Variants in EIF4E3 observed in about 807,000 individuals in gnomAD.
EIF4E3 encodes eukaryotic translation initiation factor 4E family member 3, also known as eukaryotic translation initiation factor 4E type 3.
In EIF4E3, 26 loss-of-function variants were observed where a neutral mutation model predicts 31.7. The observed-to-expected ratio is 0.82, with a 90% CI of 0.60 to 1.14. The LOEUF is 1.14. Ranked by LOEUF, EIF4E3 falls within the 50% of genes most tolerant of loss-of-function variation. EIF4E3 has a pLI of 0.00. For missense variants in EIF4E3, 304 were observed against 270.9 expected, an observed-to-expected ratio of 1.12 and a Z score of -0.86; for synonymous variants, 128 against 107.7, an observed-to-expected ratio of 1.19 and a Z score of -1.17.
Position 71,690,181 on chromosome 3 carries a change from G to GAAAA in EIF4E3, c.473-20_473-17dup. 8.1e-7 allele frequency: 1 copy of GAAAA among 1,227,676 alleles called. No homozygotes were observed. The highest frequency in any genetic ancestry group is 1.1e-6 in the Non-Finnish European group (1 of 903,854). 76.0% of individuals were successfully genotyped at this position (1,227,676 alleles called of 1,614,324 possible). The stretch of plus-strand genomic sequence containing the variant: ...ACTTCATCATCTGAGGGGAAGACAG[G>GAAAA]AAAAAAAAAAAATGAGTGATACTTC... On this transcript the variant is annotated splice_polypyrimidine_tract_variant and intron_variant, in intron 5 of 6. Coordinates refer to ENST00000425534, the MANE Select transcript of EIF4E3 (RefSeq NM_001134651.2).
chr3:71,669,736 A>G, the EIF4E3 span, among the ~76,000 whole-genome samples: 1 of 152,142 alleles, frequency 6.6e-6, no homozygotes, highest in Non-Finnish European at 1.5e-5. Flanking sequence ...ATTTTGAGTG[A>G]CATTCTAGGG....
the EIF4E3 span, among the ~76,000 whole-genome samples, chr3:71,660,793 C>T: frequency 6.6e-6 from 1 of 152,154 alleles, no homozygotes; most frequent in Non-Finnish European, 1.5e-5. Context: ...AAGGAGATGT[C>T]GTTTTTGGAA....
In EIF4E3 at chr3:71,710,459, C is replaced by T. The variant is rs1467617060; in HGVS notation, c.202G>A (p.Glu68Lys). ...DRSLPGATAA[E>K]CASNLKKIYT... is the part of the protein sequence containing the mutation. Reference sequence around the variant, plus strand: ...ATTTTCTTCAGATTTGATGCGCACTCAGCTGCTGTGGCACCAGGGAGGGAT... The same window carrying T: ...ATTTTCTTCAGATTTGATGCGCACTTAGCTGCTGTGGCACCAGGGAGGGAT... Residue 68 changes from glutamate (E) to lysine (K), a missense_variant, in exon 2 of 7, where the codon GAG becomes AAG. Physicochemically the swap from Glu to Lys is moderately conservative, Grantham distance 56 (BLOSUM62 1). Transcript: ENST00000425534. 1.3e-5 allele frequency: 20 copies of T among 1,550,964 alleles called. No homozygotes were observed. The highest frequency in any genetic ancestry group is 1.7e-5 in the Non-Finnish European group (20 of 1,146,798).
At chr3:71,721,082 A>C (rs2049541039) in intron 1 of EIF4E3, among the ~76,000 whole-genome samples, 1 of 152,270 alleles carries the variant, frequency 6.6e-6, no homozygotes, top group Admixed American at 6.5e-5. Context: ...CTGCATTTAA[A>C]GTGCCTGTGG....
In EIF4E3 at chr3:71,708,760, G is replaced by A. The variant is rs192943174; in HGVS notation, c.249+1652C>T. Among the ~76,000 whole-genome samples the A allele has an allele frequency of 2.7e-3, 408 of 152,246 alleles. 3 individuals are homozygous for A. The highest frequency in any genetic ancestry group is 8.3e-3 in the African/African-American group (345 of 41,536). On this transcript the variant is annotated intron_variant, in intron 2 of 6. Transcript: ENST00000425534. Reference sequence around the variant, plus strand: ...GTGCTCTGAGGATTAAAAAATGGCCGCTGGGAAATGGTAACAGAAGTCCCT... The same window carrying A: ...GTGCTCTGAGGATTAAAAAATGGCCACTGGGAAATGGTAACAGAAGTCCCT...
chr3:71,731,016 G>A (rs1397683520), intron 1 of EIF4E3, among the ~76,000 whole-genome samples: 1 of 152,136 alleles, frequency 6.6e-6, no homozygotes, highest in Non-Finnish European at 1.5e-5. Context: ...GAGCCACAGT[G>A]CCTAGCCTGC....
upstream of EIF4E3, chr3:71,729,297 C>A (rs1455003688): frequency 6.6e-6 from 1 of 152,160 alleles, no homozygotes; most frequent in Non-Finnish European, 1.5e-5. Flanking sequence ...CAATGAGGAA[C>A]CTGAGGTTCA....
chr3:71,716,248 T>C (rs1381380490), intron 1 of EIF4E3, among the ~76,000 whole-genome samples: 1 of 152,216 alleles, frequency 6.6e-6, no homozygotes, highest in Admixed American at 6.5e-5. Flanking sequence ...CTTTTTTTTT[T>C]TGGAGACGGA....
At chr3:71,703,102 C>T (rs563159650) in intron 2 of EIF4E3, among the ~76,000 whole-genome samples, 24 of 152,018 alleles carry the variant, frequency 1.6e-4, no homozygotes, top group African/African-American at 1.7e-4. Context: ...TGGTTAAATG[C>T]TTTTTTTTCC....
intron 1 of EIF4E3, among the ~76,000 whole-genome samples, chr3:71,733,112 C>T (rs1047866908): frequency 3.3e-5 from 5 of 152,222 alleles, no homozygotes; most frequent in Admixed American, 2.6e-4. Context: ...GAGTGAACAA[C>T]TGTCCCAATT....
In EIF4E3 at chr3:71,681,832, G is replaced by C. The variant is rs2048927776; in HGVS notation, c.*2850C>G. 6.6e-6 allele frequency: 1 copy of C among 152,186 alleles called. No individual in the cohort carries two copies. Among genetic ancestry groups the C allele is most frequent in the African/African-American group, 2.4e-5 (1 of 41,442 alleles). 9.4% of individuals were successfully genotyped at this position (152,186 alleles called of 1,614,324 possible). ...TGGTGTAGACATGGGCTAAACTCAA[G>C]AAGAGGGGTGAGAAAGAGTCATCTT... On this transcript the variant is annotated 3_prime_UTR_variant, in exon 7 of 7. Transcript: ENST00000425534.
At chr3:71,672,307 A>G (rs922737212), downstream of EIF4E3, among the ~76,000 whole-genome samples, 5 of 152,130 alleles carry the variant, frequency 3.3e-5, no homozygotes, top group Admixed American at 6.5e-5. Flanking sequence ...ATAATATACT[A>G]CTTCCTCTAG....
chr3:71,726,248 G>A (rs2049637175), upstream of EIF4E3, among the ~76,000 whole-genome samples: 1 of 152,190 alleles, frequency 6.6e-6, no homozygotes, highest in South Asian at 2.1e-4. Flanking sequence ...AAAGTATCCA[G>A]ATCTGCCCTA....
chr3:71,701,895 T>A (rs9828275), intron 2 of EIF4E3, among the ~76,000 whole-genome samples: 106,920 of 152,030 alleles, frequency 0.7, 37,956 homozygotes, highest in African/African-American at 0.79. Context: ...AGCTACTGTA[T>A]TAACAGTAGC....
chr3:71,691,577 G>A (rs921327920), intron 5 of EIF4E3, among the ~76,000 whole-genome samples: 12 of 152,282 alleles, frequency 7.9e-5, no homozygotes, highest in African/African-American at 2.4e-4. Flanking sequence ...AAGAGAGCAG[G>A]GGGGATCCTG....
chr3:71,714,313 AGGAAAG>A (rs2049432702), intron 1 of EIF4E3, among the ~76,000 whole-genome samples: 2 of 144,342 alleles, frequency 1.4e-5, no homozygotes, highest in African/African-American at 5.2e-5. Flanking sequence ...AACGAAAGAA[AGGAAAG>A]GAAAGAAAGA....
chr3:71,724,865 G>A (rs1019985532), intron 1 of EIF4E3, among the ~76,000 whole-genome samples: 1 of 152,172 alleles, frequency 6.6e-6, no homozygotes, highest in Non-Finnish European at 1.5e-5. Context: ...GCCACCCCCA[G>A]CTCGCCTACC....
rs528074179 is a variant in EIF4E3, at chr3:71,691,919, G to T, written c.473-1754C>A. Among the ~76,000 whole-genome samples, 5 of 152,272 alleles carry T rather than the reference G, an allele frequency of 3.3e-5. No individual in the cohort carries two copies. In the South Asian group the frequency reaches 1.0e-3, roughly 32 times the overall value. ...TTGCAGTTTACCACTTTCAAGAGTG[G>T]CCATGAAGTCACATCACCCTTTTGG... On this transcript the variant is annotated intron_variant, in intron 5 of 6. Transcript: ENST00000425534.
chr3:71,664,503 T>C, the EIF4E3 span, among the ~76,000 whole-genome samples: 2 of 152,096 alleles, frequency 1.3e-5, no homozygotes, highest in African/African-American at 4.8e-5. Context: ...GCCACAGTGA[T>C]TGGCTCAGGA....
Sources: allele counts gnomAD v4.1 joint callset (sites outside exome capture counted in the v4.1 genomes callset), GRCh38; gene constraint gnomAD v4.1.1; transcripts MANE v1.5; gene names NCBI Gene and HGNC (gene_info 2026-07-23, HGNC 2026-07-21).